SND1: variants seen among roughly 807,000 people sequenced by gnomAD.
The protein encoded by SND1 is staphylococcal nuclease domain-containing protein 1.
A neutral mutation model predicts 121.7 loss-of-function variants in SND1; 38 were observed. The ratio of observed to expected loss-of-function variants is 0.31; its 90% CI spans 0.24 to 0.41. The LOEUF (loss-of-function observed/expected upper bound fraction) is 0.41. Among genes scored for constraint, SND1 ranks in the 10% least tolerant of loss-of-function variants. The pLI is 1.00. For synonymous variants in SND1, 401 were observed against 447.4 expected (o/e 0.90, Z 1.31); for missense variants, 868 against 1,184.6 (o/e 0.73, Z 3.92).
intron 1 of SND1, among the ~76,000 whole-genome samples, chr7:127,666,604 A>AT (rs1259480211): frequency 2.6e-5 from 4 of 151,984 alleles, no homozygotes; most frequent in Non-Finnish European, 5.9e-5. Flanking sequence ...AAAAAAAAAA[A>AT]GGTGTGGACA....
chr7:128,018,438 G>A (rs1803274755), intron 16 of SND1, among the ~76,000 whole-genome samples: 1 of 152,206 alleles, frequency 6.6e-6, no homozygotes, highest in Non-Finnish European at 1.5e-5. Context: ...TTAGCCTTTG[G>A]CCAGGAAGGG....
chr7:127,857,446 G>T (rs968558706), intron 12 of SND1, among the ~76,000 whole-genome samples: 4 of 144,558 alleles, frequency 2.8e-5, no homozygotes, highest in African/African-American at 5.1e-5. Flanking sequence ...CTCGTGATCC[G>T]CCCGCCTCGC....
intron 17 of SND1, among the ~76,000 whole-genome samples, chr7:128,079,371 G>C (rs1793559685): frequency 6.6e-6 from 1 of 152,386 alleles, no homozygotes; most frequent in African/African-American, 2.4e-5. Flanking sequence ...AAGTCCTGCT[G>C]CCTGCCTCCT....
At chr7:127,762,184 T>C (rs1247861809) in intron 10 of SND1, among the ~76,000 whole-genome samples, 1 of 152,186 alleles carries the variant, frequency 6.6e-6, no homozygotes, top group Admixed American at 6.5e-5. Context: ...CATGGAAATG[T>C]CCTCAGGGCT....
chr7:127,895,059 A>C (rs939911441), intron 13 of SND1, among the ~76,000 whole-genome samples: 1 of 151,592 alleles, frequency 6.6e-6, no homozygotes, highest in African/African-American at 2.4e-5. Context: ...CATCTTTTTT[A>C]TGCCATCTCT....
intron 15 of SND1, among the ~76,000 whole-genome samples, chr7:127,976,496 A>G (rs1406021377): frequency 6.6e-6 from 1 of 152,206 alleles, no homozygotes; most frequent in Non-Finnish European, 1.5e-5. Flanking sequence ...GCTTTGGTGC[A>G]CTGTTGCCAC....
chr7:127,773,958 G>A (rs1056392822), intron 10 of SND1, among the ~76,000 whole-genome samples: 1 of 152,214 alleles, frequency 6.6e-6, no homozygotes. Flanking sequence ...AGGTGATGCT[G>A]GTGTAAACAA....
intron 16 of SND1, among the ~76,000 whole-genome samples, chr7:128,058,127 C>G (rs1793172491): frequency 2.0e-5 from 3 of 152,258 alleles, no homozygotes; most frequent in Non-Finnish European, 4.4e-5. Context: ...AGACCTGACC[C>G]CTTGCCAGTG....
chr7:127,921,432 A>G lies in SND1; in HGVS notation c.1528-7756A>G, dbSNP rs1584667751. Among the ~76,000 whole-genome samples, 4 of 152,326 alleles carry G rather than the reference A, an allele frequency of 2.6e-5. No homozygotes were observed. In the South Asian group the frequency reaches 8.3e-4, roughly 32 times the overall value. ...ATCAAAGTAGATGATTTAAAACATA[A>G]TGAATGGGTGGTTAATTTTGAACTT... On this transcript the variant is annotated intron_variant, in intron 14 of 23. Transcript: ENST00000354725.
At chr7:127,701,527 G>A (rs1254011707) in intron 5 of SND1, among the ~76,000 whole-genome samples, 1 of 151,628 alleles carries the variant, frequency 6.6e-6, no homozygotes, top group Non-Finnish European at 1.5e-5. Context: ...GATACATTCT[G>A]CAGAAGCTAG....
chr7:127,882,538 A>G (rs757220093), intron 12 of SND1, among the ~76,000 whole-genome samples: 3 of 152,050 alleles, frequency 2.0e-5, no homozygotes, highest in Non-Finnish European at 4.4e-5. Flanking sequence ...CCAGCATGTA[A>G]TCAAGGACGA....
chr7:127,703,136 A>G (rs763955797), intron 6 of SND1, 29 bp from the exon 7 acceptor site: 1 of 1,613,706 alleles, frequency 6.2e-7, no homozygotes, highest in African/African-American at 1.3e-5. Context: ...TTTAGGCTGC[A>G]TTACTCACCT....
At chr7:127,728,300 C>T (rs1796616696) in intron 10 of SND1, among the ~76,000 whole-genome samples, 1 of 152,106 alleles carries the variant, frequency 6.6e-6, no homozygotes, top group Non-Finnish European at 1.5e-5. Context: ...TTACTTCTAT[C>T]AATCCATATC....
intron 12 of SND1, among the ~76,000 whole-genome samples, chr7:127,874,985 A>G (rs545969174): frequency 6.6e-6 from 1 of 152,292 alleles, no homozygotes; most frequent in Non-Finnish European, 1.5e-5. Context: ...AATAAAGGGA[A>G]ACAGGCTAAG....
chr7:127,674,650 C>T (rs1795585351), intron 1 of SND1, among the ~76,000 whole-genome samples: 2 of 152,234 alleles, frequency 1.3e-5, no homozygotes, highest in Middle Eastern at 6.8e-3. Context: ...GATTAGTCAC[C>T]CTTAAAATAA....
chr7:127,795,951 G>A (rs560471358), intron 10 of SND1, among the ~76,000 whole-genome samples: 3 of 152,000 alleles, frequency 2.0e-5, no homozygotes, highest in Non-Finnish European at 4.4e-5. Flanking sequence ...TCCGCCTCCC[G>A]GGTTCACGCC....
In SND1 at chr7:128,015,985, T is replaced by A. The variant is rs151082450; in HGVS notation, c.1779+24929T>A. On this transcript the variant is annotated intron_variant, in intron 16 of 23. Coordinates refer to ENST00000354725, the MANE Select transcript of SND1 (RefSeq NM_014390.4). This position sits in a 1 kb window ranked among gnomAD's most constrained non-coding sequence, Gnocchi z 4.5. ...TTGGGTCATCTGCAAACCAAAGCGATCTCAGCAGCTGCTGGAATGCCATTG... is the reference window on the plus strand; with the variant it reads ...TTGGGTCATCTGCAAACCAAAGCGAACTCAGCAGCTGCTGGAATGCCATTG... Among the ~76,000 whole-genome samples the A allele has an allele frequency of 6.6e-6, 1 of 152,212 alleles. No individual in the cohort carries two copies. Among genetic ancestry groups the A allele is most frequent in the African/African-American group, 2.4e-5 (1 of 41,512 alleles).
At chr7:127,707,350 A>G (rs1399843246) in intron 8 of SND1, among the ~76,000 whole-genome samples, 1 of 152,244 alleles carries the variant, frequency 6.6e-6, no homozygotes, top group Non-Finnish European at 1.5e-5. Context: ...TGCCTGGACC[A>G]TAGTCTCCCA....
In SND1 at chr7:127,744,317, A is replaced by G. The variant is rs758089512; in HGVS notation, c.1152+22917A>G. On this transcript the variant is annotated intron_variant, in intron 10 of 23. Transcript: ENST00000354725. ...TTGGGTCGGCTTAGAGACCACCCAG[A>G]TGACCTGCTTATGTATACTTCCCTT... is the stretch of plus-strand genomic sequence containing the variant. Among the ~76,000 whole-genome samples the G allele has an allele frequency of 3.9e-5, 6 of 152,168 alleles. No individual in the cohort carries two copies. In the South Asian group the frequency reaches 8.3e-4, roughly 21 times the overall value.
Sources: gnomAD v4.1 joint callset for allele counts (sites outside exome capture counted in the v4.1 genomes callset) on GRCh38, gnomAD v4.1.1 for gene constraint, Gnocchi (gnomAD v3.1) non-coding constraint, MANE v1.5 for transcripts, NCBI Gene and HGNC (gene_info 2026-07-23, HGNC 2026-07-21) for gene names.